Variants in CDK14 observed in about 807,000 individuals in gnomAD.
CDK14 encodes cyclin-dependent kinase 14.
In CDK14, 34 loss-of-function variants were observed where a neutral mutation model predicts 60.7. The ratio of observed to expected loss-of-function variants is 0.56; its 90% CI spans 0.43 to 0.75. The LOEUF (loss-of-function observed/expected upper bound fraction) is 0.75. Among genes scored for constraint, CDK14 ranks in the 30% least tolerant of loss-of-function variants. The pLI, the probability that CDK14 is intolerant of heterozygous loss-of-function variation, is 0.00. For synonymous variants in CDK14, 197 were observed against 203.7 expected (o/e 0.97, Z 0.28); for missense variants, 482 against 564.1 (o/e 0.85, Z 1.47).
intron 6 of CDK14, among the ~76,000 whole-genome samples, chr7:90,881,092 A>G (rs910502003): frequency 2.0e-5 from 3 of 152,190 alleles, no homozygotes; most frequent in Non-Finnish European, 4.4e-5. Context: ...GGGGGAGCAA[A>G]TGGATGAATT....
At chr7:91,079,775 A>G (rs1467501631) in intron 12 of CDK14, among the ~76,000 whole-genome samples, 1 of 152,232 alleles carries the variant, frequency 6.6e-6, no homozygotes, top group African/African-American at 2.4e-5. Context: ...TTTTTGTATC[A>G]GCAACATAGC....
intron 2 of CDK14, among the ~76,000 whole-genome samples, chr7:90,609,407 G>A (rs1015771158): frequency 6.6e-6 from 1 of 152,138 alleles, no homozygotes; most frequent in Admixed American, 6.5e-5. Flanking sequence ...TTGGAAGGGG[G>A]GCCTGGTGGG....
intron 4 of CDK14, among the ~76,000 whole-genome samples, chr7:90,764,313 A>G (rs1804449689): frequency 6.6e-6 from 1 of 152,126 alleles, no homozygotes. Flanking sequence ...CGTAACATAA[A>G]TGTTAGGCTT....
At position 90,596,363 on chromosome 7, in the gene CDK14, GGGCCACCACGGCGGCGGCGAGCGC is replaced by G. The variant is rs922078009; in HGVS notation, c.-260_-237del. 4.0e-4 allele frequency: 65 copies of G among 161,728 alleles called. No individual in the cohort carries two copies. Among genetic ancestry groups the G allele is most frequent in the Admixed American group, 7.1e-4 (11 of 15,490 alleles). 10.0% of individuals were successfully genotyped at this position (161,728 alleles called of 1,614,324 possible). A position where few individuals can be genotyped will look rare whatever the true frequency, so the allele number is the denominator to read the frequency against. On this transcript the variant is annotated 5_prime_UTR_variant, in exon 1 of 15. Coordinates refer to ENST00000380050, the MANE Select transcript of CDK14 (RefSeq NM_001287135.2). Reference sequence around the variant, plus strand: ...AGCCGGGCGGCGGCGGCGCGGCGCGGGGCCACCACGGCGGCGGCGAGCGCGGCCGCCCCCGGCACCACGTAAACC... The same window carrying G: ...AGCCGGGCGGCGGCGGCGCGGCGCGGGGCCGCCCCCGGCACCACGTAAACC...
chr7:90,628,061 C>T (rs1474680834), intron 2 of CDK14, among the ~76,000 whole-genome samples: 1 of 152,078 alleles, frequency 6.6e-6, no homozygotes, highest in Non-Finnish European at 1.5e-5. Flanking sequence ...GTCAAGTGAT[C>T]CTCCCACTTC....
chr7:91,013,259 G>A (rs894743058), intron 10 of CDK14, among the ~76,000 whole-genome samples: 1 of 151,758 alleles, frequency 6.6e-6, no homozygotes, highest in African/African-American at 2.4e-5. Context: ...CAAGGCTTCT[G>A]ATTTGTTCTT....
intron 9 of CDK14, among the ~76,000 whole-genome samples, chr7:90,968,435 G>A (rs1351526957): frequency 2.6e-5 from 4 of 152,232 alleles, no homozygotes; most frequent in East Asian, 3.9e-4. Flanking sequence ...GACAGAATCC[G>A]AGTAGCTTCC....
chr7:91,126,279 G>C (rs1001029794), intron 14 of CDK14, among the ~76,000 whole-genome samples: 2 of 152,140 alleles, frequency 1.3e-5, no homozygotes, highest in Non-Finnish European at 2.9e-5. Flanking sequence ...AGTTAAGAAT[G>C]CCCAGATTAT....
chr7:90,649,939 A>G (rs1800593652), intron 2 of CDK14, among the ~76,000 whole-genome samples: 1 of 152,124 alleles, frequency 6.6e-6, no homozygotes, highest in Non-Finnish European at 1.5e-5. Context: ...GTGTCTTTAT[A>G]GTAGCATGAT....
intron 11 of CDK14, among the ~76,000 whole-genome samples, chr7:91,047,229 T>A (rs1230037539): frequency 6.6e-6 from 1 of 152,196 alleles, no homozygotes; most frequent in Non-Finnish European, 1.5e-5. Flanking sequence ...AAAATTTATG[T>A]CCTAGGCAAA....
At chr7:90,673,780 A>C (rs1212878582) in intron 2 of CDK14, among the ~76,000 whole-genome samples, 1 of 152,184 alleles carries the variant, frequency 6.6e-6, no homozygotes, top group Non-Finnish European at 1.5e-5. Flanking sequence ...ACATATCCTT[A>C]CTTTGCTTTC....
chr7:90,828,324 G>T (rs1237303161), intron 5 of CDK14, among the ~76,000 whole-genome samples: 1 of 152,168 alleles, frequency 6.6e-6, no homozygotes, highest in African/African-American at 2.4e-5. Flanking sequence ...CCCACCCATT[G>T]ACAGATGCTT....
intron 8 of CDK14, among the ~76,000 whole-genome samples, chr7:90,944,630 G>T (rs1794043720): frequency 6.6e-6 from 1 of 152,340 alleles, no homozygotes; most frequent in South Asian, 2.1e-4. Flanking sequence ...CTACTTGGAG[G>T]CTGAGCTGAG....
At chr7:90,815,027 C>T (rs56853900) in intron 5 of CDK14, among the ~76,000 whole-genome samples, 30,900 of 152,116 alleles carry the variant, frequency 0.2, 3,267 homozygotes, top group South Asian at 0.24. Context: ...AATCTTTTTC[C>T]TTCTTTTTAC....
intron 13 of CDK14, among the ~76,000 whole-genome samples, 158 bp from the exon 14 acceptor site, chr7:91,117,907 T>TGC (rs564361404): frequency 1.7e-3 from 252 of 152,246 alleles, no homozygotes; most frequent in African/African-American, 5.8e-3. Flanking sequence ...AATGTGTGTG[T>TGC]GCCTGCGACC....
chr7:90,811,130 T>A (rs1157493585), intron 5 of CDK14, among the ~76,000 whole-genome samples: 3 of 152,206 alleles, frequency 2.0e-5, no homozygotes, highest in Non-Finnish European at 4.4e-5. Context: ...AAAGTTTATG[T>A]GGAACCAAAA....
chr7:90,636,972 G>A (rs1216739425), intron 2 of CDK14, among the ~76,000 whole-genome samples: 1 of 151,358 alleles, frequency 6.6e-6, no homozygotes, highest in Non-Finnish European at 1.5e-5. Flanking sequence ...TGTGGGATCG[G>A]TGGTGATATC....
intron 2 of CDK14, among the ~76,000 whole-genome samples, chr7:90,693,882 TTGC>T (rs1801604491): frequency 6.6e-6 from 1 of 152,218 alleles, no homozygotes; most frequent in Non-Finnish European, 1.5e-5. Flanking sequence ...TTGATTTATT[TTGC>T]TGCTTTTTAA....
chr7:90,617,160 A>G (rs1462074550), intron 2 of CDK14, among the ~76,000 whole-genome samples: 1 of 152,104 alleles, frequency 6.6e-6, no homozygotes, highest in African/African-American at 2.4e-5. Context: ...GTAAGATTAT[A>G]AGTATCCTCT....
Sources: gnomAD v4.1 joint callset for allele counts (sites outside exome capture counted in the v4.1 genomes callset) on GRCh38, gnomAD v4.1.1 for gene constraint, MANE v1.5 for transcripts, NCBI Gene and HGNC (gene_info 2026-07-23, HGNC 2026-07-21) for gene names.